TBC1D12: variants seen among roughly 807,000 people sequenced by gnomAD.
The protein encoded by TBC1D12 is TBC1 domain family member 12, also known as TBC1 domain family, member 12.
A neutral mutation model predicts 86.7 loss-of-function variants in TBC1D12; 56 were observed. The observed-to-expected ratio is 0.65, with a 90% CI of 0.52 to 0.81. The LOEUF (loss-of-function observed/expected upper bound fraction) is 0.81, where lower values mean the gene tolerates loss of function less well. Among genes scored for constraint, TBC1D12 ranks in the 30% least tolerant of loss-of-function variants. The pLI is 0.00. For missense variants in TBC1D12, 1,023 were observed against 1,038.8 expected, an observed-to-expected ratio of 0.98 and a Z score of 0.21; for synonymous variants, 421 against 411.7, an observed-to-expected ratio of 1.02 and a Z score of -0.27.
At chr10:94,527,082 T>TTGTGTGTGTGTG (rs60647037) in intron 11 of TBC1D12, among the ~76,000 whole-genome samples, 7 of 148,346 alleles carry the variant, frequency 4.7e-5, no homozygotes, top group Admixed American at 1.3e-4. Context: ...GCTGGATTGA[T>TTGTGTGTGTGTG]TGTGTGTGTG....
At chr10:94,419,092 C>T (rs1246859790) in intron 1 of TBC1D12, among the ~76,000 whole-genome samples, 2 of 152,016 alleles carry the variant, frequency 1.3e-5, no homozygotes, top group African/African-American at 2.4e-5. Context: ...CGAGAATAGT[C>T]TTGATCTCCT....
chr10:94,424,326 G>T (rs1480338373), intron 1 of TBC1D12, among the ~76,000 whole-genome samples: 1 of 152,236 alleles, frequency 6.6e-6, no homozygotes, highest in Non-Finnish European at 1.5e-5. Context: ...TCCATAAATA[G>T]TAGGGAGTTA....
chr10:94,412,989 C>T (rs768549282), intron 1 of TBC1D12, among the ~76,000 whole-genome samples: 1 of 152,156 alleles, frequency 6.6e-6, no homozygotes, highest in Non-Finnish European at 1.5e-5. Flanking sequence ...TAAAAAGACC[C>T]CCAGGTGATT....
chr10:94,413,047 T>C (rs1373244301), intron 1 of TBC1D12, among the ~76,000 whole-genome samples: 1 of 152,184 alleles, frequency 6.6e-6, no homozygotes, highest in Non-Finnish European at 1.5e-5. Flanking sequence ...ACTGGGCTGG[T>C]TAATAGGCAG....
chr10:94,532,875 G>A (rs1842466580), intron 12 of TBC1D12, among the ~76,000 whole-genome samples, 153 bp from the exon 13 acceptor site: 1 of 152,058 alleles, frequency 6.6e-6, no homozygotes, highest in East Asian at 1.9e-4. Flanking sequence ...TTCATGATTA[G>A]AAAAAAATAA....
chr10:94,430,859 T>G (rs75849378), intron 1 of TBC1D12, among the ~76,000 whole-genome samples: 18 of 152,356 alleles, frequency 1.2e-4, no homozygotes, highest in African/African-American at 4.3e-4. Flanking sequence ...ACCATTAGAC[T>G]GCTATTTCTC....
chr10:94,423,256 G>A (rs375116784), intron 1 of TBC1D12, among the ~76,000 whole-genome samples: 2 of 151,546 alleles, frequency 1.3e-5, no homozygotes, highest in South Asian at 4.2e-4. Context: ...TCTGCCTCCT[G>A]ATTGTTCAAT....
chr10:94,474,552 A>AT, intron 2 of TBC1D12, 116 bp from the exon 3 acceptor site: 2 of 697,444 alleles, frequency 2.9e-6, no homozygotes, highest in Non-Finnish European at 4.4e-6. Context: ...TTACCAAATT[A>AT]TTTTTTGAAT....
Position 94,474,784 on chromosome 10 carries a change from G to T in TBC1D12, c.1211+1G>T. Reference sequence around the variant, plus strand: ...CCTTGATTCTTGAGGATCGACCATCGTAAGTATTTTAGTGATAATCAGTGA... The same window carrying T: ...CCTTGATTCTTGAGGATCGACCATCTTAAGTATTTTAGTGATAATCAGTGA... On this transcript the variant is annotated splice_donor_variant, in intron 3 of 12. Transcript: ENST00000225235. LOFTEE classifies it high-confidence loss of function. The T allele has an allele frequency of 1.2e-6, 2 of 1,611,958 alleles. No individual in the cohort carries two copies. Among genetic ancestry groups the T allele is most frequent in the Non-Finnish European group, 1.7e-6 (2 of 1,178,248 alleles).
At chr10:94,500,479 G>A in intron 6 of TBC1D12, 152 bp downstream of exon 6, 1 of 502,000 alleles carries the variant, frequency 2.0e-6, no homozygotes, top group Non-Finnish European at 3.4e-6. Flanking sequence ...TATGAAGCAG[G>A]TTATTAAACC....
rs1323780198 is a variant in TBC1D12 at position 94,491,824 on chromosome 10, T to C, written c.1212-1541T>C. On this transcript the variant is annotated intron_variant, in intron 3 of 12. Coordinates refer to ENST00000225235, the MANE Select transcript of TBC1D12 (RefSeq NM_015188.2). ...TTTTATTAGTAATGCCCCCAAAGCT[T>C]AAGAGTAGTGGTGCTGACAATTCAG... 1.8e-5 allele frequency among the ~76,000 whole-genome samples: 2 copies of C among 108,548 alleles called. 1 individual carries two copies. The highest frequency in any genetic ancestry group is 5.6e-5 in the African/African-American group (2 of 35,602). The allele number at this position is 108,548 out of a possible 152,430, so 71.2% of individuals were successfully genotyped here.
intron 2 of TBC1D12, among the ~76,000 whole-genome samples, chr10:94,474,191 A>G (rs1054944653): frequency 6.6e-6 from 1 of 152,186 alleles, no homozygotes; most frequent in African/African-American, 2.4e-5. Context: ...TTATTCAAAG[A>G]TGGCCTGGAT....
At chr10:94,476,206 A>T (rs985983765) in intron 3 of TBC1D12, among the ~76,000 whole-genome samples, 1 of 151,390 alleles carries the variant, frequency 6.6e-6, no homozygotes, top group Non-Finnish European at 1.5e-5. Flanking sequence ...CATTTTCCTG[A>T]TGAGCATAAT....
chr10:94,465,927 C>T (rs938719971), intron 2 of TBC1D12, among the ~76,000 whole-genome samples: 11 of 149,008 alleles, frequency 7.4e-5, no homozygotes, highest in East Asian at 4.0e-4. Flanking sequence ...CGTATATATG[C>T]GTATATATGT....
chr10:94,465,086 G>C (rs1405284041), intron 2 of TBC1D12, among the ~76,000 whole-genome samples: 1 of 152,182 alleles, frequency 6.6e-6, no homozygotes. Context: ...TCATCAAGTG[G>C]TTGTTTCTTA....
Position 94,466,391 on chromosome 10 carries a change from A to AAT in TBC1D12, c.1096-8276_1096-8275dup, listed in dbSNP as rs1398492961. On this transcript the variant is annotated intron_variant, in intron 2 of 12. Coordinates refer to ENST00000225235, the MANE Select transcript of TBC1D12 (RefSeq NM_015188.2). ...CTTTCTGCCTGAATAATTTCCTTGA[A>AAT]ATTATATTGCTGTCTATTGACAACA... 2.0e-5 allele frequency among the ~76,000 whole-genome samples: 3 copies of AAT among 152,018 alleles called. No homozygotes were observed. In the East Asian group the frequency reaches 5.8e-4, roughly 29 times the overall value.
chr10:94,435,043 T>C (rs1196670024), intron 1 of TBC1D12, among the ~76,000 whole-genome samples: 1 of 152,236 alleles, frequency 6.6e-6, no homozygotes. Flanking sequence ...TTTTGTTGCT[T>C]TTCACGGAGG....
chr10:94,505,755 C>T (rs974819938), intron 6 of TBC1D12, among the ~76,000 whole-genome samples: 6 of 151,962 alleles, frequency 3.9e-5, no homozygotes, highest in Admixed American at 2.6e-4. Context: ...TAAGAATACT[C>T]GTTATGGTAT....
chr10:94,499,583 G>A (rs2056369151), intron 5 of TBC1D12, among the ~76,000 whole-genome samples: 1 of 152,152 alleles, frequency 6.6e-6, no homozygotes, highest in South Asian at 2.1e-4. Context: ...AATGCCTACT[G>A]TAGTTTGTAC....
Sources: allele counts gnomAD v4.1 joint callset (sites outside exome capture counted in the v4.1 genomes callset), GRCh38; gene constraint gnomAD v4.1.1; transcripts MANE v1.5; gene names NCBI Gene and HGNC (gene_info 2026-07-23, HGNC 2026-07-21).